The following SALL3 variants were observed in gnomAD, a reference collection of about 807,000 sequenced individuals.
The protein encoded by SALL3 is spalt like transcription factor 3.
SALL3 carries 25 observed loss-of-function variants against 66.2 expected under a neutral mutation model. The ratio of observed to expected loss-of-function variants is 0.38; its 90% CI spans 0.28 to 0.53. The LOEUF (loss-of-function observed/expected upper bound fraction) is 0.53. SALL3 is among the 20% of genes least tolerant of loss of function. The probability of loss-of-function intolerance (pLI) is 0.85; values close to 1 mark genes in which losing one functional copy is unlikely to be tolerated. For missense variants in SALL3, 2,194 were observed against 1,916.5 expected (o/e 1.14, Z -2.70); for synonymous variants, 1,152 against 899.1 (o/e 1.28, Z -5.03).
chr18:78,998,718 ACAAT>A lies in SALL3; in HGVS notation c.*1399_*1402del, dbSNP rs1402735859. Reference sequence around the variant, plus strand: ...AGAGAAATGGCAAGTATCAGGCAGTACAATCAGTCATGACTTTGAAATTTTCCGA... The same window carrying A: ...AGAGAAATGGCAAGTATCAGGCAGTACAGTCATGACTTTGAAATTTTCCGA... On this transcript the variant is annotated 3_prime_UTR_variant, in exon 3 of 3. Coordinates refer to ENST00000537592, the MANE Select transcript of SALL3 (RefSeq NM_171999.4). 1 of 152,266 alleles carries A rather than the reference ACAAT, an allele frequency of 6.6e-6. No individual in the cohort carries two copies. Among genetic ancestry groups the A allele is most frequent in the Non-Finnish European group, 1.5e-5 (1 of 68,054 alleles). The allele number at this position is 152,266 out of a possible 1,614,324, so 9.4% of individuals were successfully genotyped here.
chr18:78,991,362 A>T (rs1914426808), intron 1 of SALL3, among the ~76,000 whole-genome samples: 2 of 89,888 alleles, frequency 2.2e-5, no homozygotes, highest in African/African-American at 9.2e-5. Context: ...AGTGTACCCT[A>T]TCTGGAAGAA....
chr18:78,980,823 TC>T (rs1307137355), intron 1 of SALL3, among the ~76,000 whole-genome samples: 1 of 151,978 alleles, frequency 6.6e-6, no homozygotes, highest in East Asian at 2.0e-4. Flanking sequence ...CCGCGGCCCC[TC>T]CCGGGCCCCC....
Position 78,995,188 on chromosome 18 carries a change from A to G in SALL3, c.3197A>G (p.Asn1066Ser). 6.2e-7 allele frequency: 1 copy of G among 1,611,784 alleles called. No homozygotes were observed. Among genetic ancestry groups the G allele is most frequent in the Non-Finnish European group, 8.5e-7 (1 of 1,179,956 alleles). ...CCCACCATGATCAAAATGGAAGTGA[A>G]CGGTCACGGCAAGGCCATGGCGCTG... ...AAPTMIKMEV[N>S]GHGKAMALGE... The change falls in exon 2 of 3, where the codon AAC becomes AGC. Residue 1066 changes from asparagine to serine, a missense_variant. Coordinates refer to ENST00000537592, the MANE Select transcript of SALL3 (RefSeq NM_171999.4).
chr18:78,986,943 C>T (rs1399077814), intron 1 of SALL3, among the ~76,000 whole-genome samples: 1 of 152,002 alleles, frequency 6.6e-6, no homozygotes, highest in Non-Finnish European at 1.5e-5. Context: ...AAGAAAGCAT[C>T]GTCTTAAATA....
chr18:78,980,123 A>G lies in SALL3; in HGVS notation c.-152A>G, dbSNP rs1249791080. 1 of 151,356 alleles carries G rather than the reference A, an allele frequency of 6.6e-6. No homozygotes were observed. The highest frequency in any genetic ancestry group is 1.4e-5 in the Non-Finnish European group (1 of 71,518). The allele number at this position is 151,356 out of a possible 1,614,324, so 9.4% of individuals were successfully genotyped here. ...CTCCGCTAATGGCCATGCATTATTC[A>G]CCAGCCTAATTGCTCAGCCCCATGC... is the stretch of plus-strand genomic sequence containing the variant. On this transcript the variant is annotated 5_prime_UTR_variant, in exon 1 of 3. Coordinates refer to ENST00000537592, the MANE Select transcript of SALL3 (RefSeq NM_171999.4).
intron 1 of SALL3, among the ~76,000 whole-genome samples, chr18:78,990,221 T>G (rs1007513281): frequency 6.6e-6 from 1 of 152,234 alleles, no homozygotes; most frequent in African/African-American, 2.4e-5. Context: ...ATAGTCAACC[T>G]CATTACAGAT....
At chr18:78,991,648 T>G in intron 1 of SALL3, 1 of 167,484 alleles carries the variant, frequency 6.0e-6, no homozygotes, top group Non-Finnish European at 1.3e-5. Flanking sequence ...CAGGTGTTGA[T>G]GTGAGTTTGA....
At chr18:78,988,617 A>T (rs1341616443) in intron 1 of SALL3, among the ~76,000 whole-genome samples, 1 of 152,210 alleles carries the variant, frequency 6.6e-6, no homozygotes, top group Non-Finnish European at 1.5e-5. Flanking sequence ...TGATTGTTTC[A>T]ATTCCACACG....
In SALL3 at chr18:78,993,414, C is replaced by G; in HGVS notation, c.1423C>G (p.Pro475Ala). The G allele has an allele frequency of 3.1e-6, 5 of 1,612,928 alleles. No homozygotes were observed. Among genetic ancestry groups the G allele is most frequent in the Non-Finnish European group, 2.5e-6 (3 of 1,179,940 alleles). ...VHFQRHKEKY[P>A]HIQMNPYPVP... ...CTTCCAGAGGCACAAGGAGAAGTAC[C>G]CCCACATCCAGATGAACCCTTACCC... is the stretch of plus-strand genomic sequence containing the variant. Residue 475 changes from proline (P) to alanine (A), a missense_variant, in exon 2 of 3, where the codon CCC becomes GCC. Transcript: ENST00000537592.
intron 1 of SALL3, among the ~76,000 whole-genome samples, chr18:78,982,759 GTTAGT>G (rs1184215508): frequency 6.6e-6 from 1 of 152,124 alleles, no homozygotes; most frequent in East Asian, 1.9e-4. Flanking sequence ...AGTGAGCTCA[GTTAGT>G]TTAGTGTTTT....
In SALL3 at chr18:78,997,379, G is replaced by A; in HGVS notation, c.*57G>A. Reference sequence around the variant, plus strand: ...CCACGTTTTGAAGTTGGAGCATCAGGCCTCCGACCTTTCTTGCCTCGGTTC... The same window carrying A: ...CCACGTTTTGAAGTTGGAGCATCAGACCTCCGACCTTTCTTGCCTCGGTTC... On this transcript the variant is annotated 3_prime_UTR_variant, in exon 3 of 3. Coordinates refer to ENST00000537592, the MANE Select transcript of SALL3 (RefSeq NM_171999.4). 1.3e-6 allele frequency: 2 copies of A among 1,523,972 alleles called. No homozygotes were observed. Among genetic ancestry groups the A allele is most frequent in the African/African-American group, 1.4e-5 (1 of 72,982 alleles). The allele number at this position is 1,523,972 out of a possible 1,614,324, so 94.4% of individuals were successfully genotyped here. A position where few individuals can be genotyped will look rare whatever the true frequency, so the allele number is the denominator to read the frequency against.
intron 1 of SALL3, among the ~76,000 whole-genome samples, chr18:78,984,254 A>G (rs1272511530): frequency 6.6e-6 from 1 of 152,326 alleles, no homozygotes; most frequent in South Asian, 2.1e-4. Context: ...CAAAAGCACA[A>G]CCAGGGTTTC....
At position 78,994,242 on chromosome 18, in the gene SALL3, G is replaced by A. The variant is rs371147449; in HGVS notation, c.2251G>A (p.Ala751Thr). The stretch of plus-strand genomic sequence containing the variant: ...CATCTGCCAGAAGAAGTTCACCAAC[G>A]CCGTGGTCCTGCAGCAGCACATCCG... ...CPICQKKFTN[A>T]VVLQQHIRMH... The change falls in exon 2 of 3, where the codon GCC becomes ACC. Residue 751 changes from alanine to threonine, a missense_variant. Physicochemically the swap from Ala to Thr is moderately conservative, Grantham distance 58 (BLOSUM62 0). Transcript: ENST00000537592. The A allele has an allele frequency of 2.5e-6, 4 of 1,613,704 alleles. No homozygotes were observed. The highest frequency in any genetic ancestry group is 3.4e-6 in the Non-Finnish European group (4 of 1,179,992).
Position 78,993,921 on chromosome 18 carries a change from A to G in SALL3, c.1930A>G (p.Lys644Glu), listed in dbSNP as rs1265634946. The G allele has an allele frequency of 1.9e-6, 3 of 1,605,372 alleles. No individual in the cohort carries two copies. The highest frequency in any genetic ancestry group is 8.5e-7 in the Non-Finnish European group (1 of 1,176,524). The change falls in exon 2 of 3, where the codon AAG becomes GAG. Residue 644 changes from lysine to glutamate, a missense_variant. By Grantham distance (56) the Lys-to-Glu change is moderately conservative. Coordinates refer to ENST00000537592, the MANE Select transcript of SALL3 (RefSeq NM_171999.4). Reference sequence around the variant, plus strand: ...GCTGCCCGCCGTCTCCGAGCAGTTCAAGGCCCAGTTTCCGTTCGGGGGGCT... The same window carrying G: ...GCTGCCCGCCGTCTCCGAGCAGTTCGAGGCCCAGTTTCCGTTCGGGGGGCT... ...PGLPAVSEQF[K>E]AQFPFGGLLD...
rs1418982293 is a variant in SALL3 at position 78,995,184 on chromosome 18, G to GTGA, written c.3194_3196dup (p.Val1065_Asn1066insMet). On this transcript the variant is annotated inframe_insertion, in exon 2 of 3. Transcript: ENST00000537592. ...CGCACCCACCATGATCAAAATGGAAGTGAACGGTCACGGCAAGGCCATGGC... is the reference window on the plus strand; with the variant it reads ...CGCACCCACCATGATCAAAATGGAAGTGATGAACGGTCACGGCAAGGCCATGGC... The GTGA allele has an allele frequency of 6.2e-6, 10 of 1,612,162 alleles. No homozygotes were observed. Among genetic ancestry groups the GTGA allele is most frequent in the Admixed American group, 1.7e-5 (1 of 60,002 alleles).
At chr18:78,981,768 T>G (rs1291930208) in intron 1 of SALL3, among the ~76,000 whole-genome samples, 1 of 150,272 alleles carries the variant, frequency 6.7e-6, no homozygotes, top group Non-Finnish European at 1.5e-5. Flanking sequence ...TGGAAATGGA[T>G]TTTTTTTTGT....
Position 78,980,233 on chromosome 18 carries a change from T to G in SALL3, c.-42T>G. 1 of 1,023,080 alleles carries G rather than the reference T, an allele frequency of 9.8e-7. No individual in the cohort carries two copies. The highest frequency in any genetic ancestry group is 1.2e-6 in the Non-Finnish European group (1 of 846,726). The allele number at this position is 1,023,080 out of a possible 1,614,324, so 63.4% of individuals were successfully genotyped here. A position where few individuals can be genotyped will look rare whatever the true frequency, so the allele number is the denominator to read the frequency against. On this transcript the variant is annotated 5_prime_UTR_variant, in exon 1 of 3. Transcript: ENST00000537592. The stretch of plus-strand genomic sequence containing the variant: ...GCGCCGTCCCCGCCGGCCGCCCCGC[T>G]GATGCCGCTGCCCCGCGCGGGGCCC...
Position 78,997,413 on chromosome 18 carries a change from C to A in SALL3, c.*91C>A. ...CTTTCTTGCCTCGGTTCTCATTACACTTTCACCCATAGCAGAAAACACTTT... is the reference window on the plus strand; with the variant it reads ...CTTTCTTGCCTCGGTTCTCATTACAATTTCACCCATAGCAGAAAACACTTT... On this transcript the variant is annotated 3_prime_UTR_variant, in exon 3 of 3. Coordinates refer to ENST00000537592, the MANE Select transcript of SALL3 (RefSeq NM_171999.4). 1.5e-6 allele frequency: 2 copies of A among 1,310,196 alleles called. No homozygotes were observed. Among genetic ancestry groups the A allele is most frequent in the Non-Finnish European group, 1.1e-6 (1 of 931,786 alleles). 81.2% of individuals were successfully genotyped at this position (1,310,196 alleles called of 1,614,324 possible).
At chr18:78,984,341 A>C (rs1914166887) in intron 1 of SALL3, among the ~76,000 whole-genome samples, 1 of 152,266 alleles carries the variant, frequency 6.6e-6, no homozygotes. Flanking sequence ...AAGTACAATA[A>C]AAATCTTTTT....
Sources: allele counts gnomAD v4.1 joint callset (sites outside exome capture counted in the v4.1 genomes callset), GRCh38; gene constraint gnomAD v4.1.1; transcripts MANE v1.5; gene names NCBI Gene and HGNC (gene_info 2026-07-23, HGNC 2026-07-21).